Variants in SYT6 observed in about 807,000 individuals in gnomAD.
SYT6 encodes the protein synaptotagmin 6.
In SYT6, 24 loss-of-function variants were observed where a neutral mutation model predicts 38.4. The ratio of observed to expected loss-of-function variants is 0.62; its 90% confidence interval spans 0.45 to 0.88. The LOEUF (loss-of-function observed/expected upper bound fraction) is 0.88. Among genes scored for constraint, SYT6 ranks in the 40% least tolerant of loss-of-function variants. SYT6 has a pLI of 0.00. For missense variants in SYT6, 611 were observed against 621.0 expected, an observed-to-expected ratio of 0.98 and a Z score of 0.17; for synonymous variants, 265 against 241.9, an observed-to-expected ratio of 1.10 and a Z score of -0.89.
rs201154501 is a variant in SYT6, at chr1:114,137,853, C to T, written c.713G>A (p.Arg238His). The T allele has an allele frequency of 1.0e-4, 163 of 1,613,976 alleles. 1 individual carries two copies. The highest frequency in any genetic ancestry group is 1.5e-4 in the South Asian group (14 of 91,028). ...KSCGKINFSLRYDYETETLIV... is the reference protein window; with the variant it reads ...KSCGKINFSLHYDYETETLIV... ...CAGGGTCTCGGTCTCGTAATCGTAG[C>T]GTAGGCTGAAGTTGATCTTCCCGCA... is the stretch of plus-strand genomic sequence containing the variant. The change falls in exon 3 of 8, where the codon CGC (arginine) becomes CAC (histidine). Residue 238 changes from arginine to histidine, a missense_variant. Physicochemically the swap from Arg to His is conservative, Grantham distance 29. Coordinates refer to ENST00000610222, the MANE Select transcript of SYT6 (RefSeq NM_001253772.2).
chr1:114,096,973 C>T (rs1675676059), intron 6 of SYT6, among the ~76,000 whole-genome samples: 1 of 152,168 alleles, frequency 6.6e-6, no homozygotes. Flanking sequence ...TGATAGAATA[C>T]AGGATCCTAA....
chr1:114,114,156 C>A (rs1447310958), intron 3 of SYT6, among the ~76,000 whole-genome samples: 1 of 152,208 alleles, frequency 6.6e-6, no homozygotes, highest in Non-Finnish European at 1.5e-5. Context: ...GTCTGTTTTG[C>A]CAGGGCCAGG....
At chr1:114,135,930 T>C (rs948797954) in intron 3 of SYT6, among the ~76,000 whole-genome samples, 2 of 152,188 alleles carry the variant, frequency 1.3e-5, no homozygotes, top group Non-Finnish European at 2.9e-5. Flanking sequence ...AAATGTAAAC[T>C]TCAGAGTGAT....
intron 3 of SYT6, among the ~76,000 whole-genome samples, chr1:114,119,033 G>A (rs1386274108): frequency 1.3e-5 from 2 of 152,194 alleles, no homozygotes; most frequent in Non-Finnish European, 2.9e-5. Flanking sequence ...CCTTCCTAGA[G>A]ATAAAGGTGG....
At chr1:114,133,132 C>T (rs944825939) in intron 3 of SYT6, among the ~76,000 whole-genome samples, 21 of 151,946 alleles carry the variant, frequency 1.4e-4, no homozygotes, top group South Asian at 2.1e-4. Context: ...TGCATGCCCA[C>T]GCACATACAC....
intron 3 of SYT6, among the ~76,000 whole-genome samples, chr1:114,120,481 A>C (rs571217661): frequency 6.6e-6 from 1 of 152,114 alleles, no homozygotes; most frequent in South Asian, 2.1e-4. Flanking sequence ...TCTTTCACTT[A>C]TTTTTTTGCT....
chr1:114,092,222 A>G, intron 7 of SYT6, 140 bp from the exon 8 acceptor site: 1 of 788,522 alleles, frequency 1.3e-6, no homozygotes, highest in South Asian at 1.8e-5. Flanking sequence ...TCAGCCATGC[A>G]AAAACATAAG....
intron 6 of SYT6, among the ~76,000 whole-genome samples, chr1:114,094,383 A>G (rs930139033): frequency 3.3e-5 from 5 of 152,178 alleles, no homozygotes; most frequent in Non-Finnish European, 7.4e-5. Flanking sequence ...GAGATTTAAC[A>G]TCTCTGGCAG....
chr1:114,104,208 C>T (rs1676139717), intron 3 of SYT6, among the ~76,000 whole-genome samples: 2 of 152,236 alleles, frequency 1.3e-5, no homozygotes, highest in Admixed American at 1.3e-4. Flanking sequence ...TGATTCTTTT[C>T]TTCTTCTGCC....
chr1:114,100,747 T>A lies in SYT6; in HGVS notation c.1193-1482A>T, dbSNP rs146872333. On this transcript the variant is annotated intron_variant, in intron 4 of 7. Transcript: ENST00000610222. ...TGGTTTCCACAGATTCCATTCTCTA[T>A]GGATATGCCCCAGGACATTATTCAG... Among the ~76,000 whole-genome samples, 13 of 152,338 alleles carry A rather than the reference T, an allele frequency of 8.5e-5. No individual in the cohort carries two copies. In the East Asian group the frequency reaches 2.3e-3, roughly 27 times the overall value.
At chr1:114,140,221 CT>C (rs1026765937) in intron 1 of SYT6, among the ~76,000 whole-genome samples, 6 of 152,032 alleles carry the variant, frequency 3.9e-5, no homozygotes, top group Non-Finnish European at 5.9e-5. Context: ...GCCCCCACCC[CT>C]ATCCCCCCAG....
intron 3 of SYT6, among the ~76,000 whole-genome samples, chr1:114,128,682 G>A (rs189151667): frequency 6.6e-6 from 1 of 152,304 alleles, no homozygotes; most frequent in East Asian, 1.9e-4. Context: ...ATTGGTCATA[G>A]CATCTAATAC....
intron 1 of SYT6, among the ~76,000 whole-genome samples, chr1:114,148,132 G>T (rs1344039723): frequency 5.3e-5 from 8 of 152,166 alleles, no homozygotes; most frequent in Non-Finnish European, 7.3e-5. Context: ...TCCAGAAAAT[G>T]CTGGGTTATT....
At chr1:114,148,539 A>T (rs1679269632) in intron 1 of SYT6, among the ~76,000 whole-genome samples, 1 of 152,260 alleles carries the variant, frequency 6.6e-6, no homozygotes, top group Non-Finnish European at 1.5e-5. Flanking sequence ...ACAGACAGAG[A>T]CATAGACAAA....
At chr1:114,124,381 C>A (rs1159381430) in intron 3 of SYT6, among the ~76,000 whole-genome samples, 1 of 152,068 alleles carries the variant, frequency 6.6e-6, no homozygotes, top group South Asian at 2.1e-4. Flanking sequence ...GGGGCTGGGG[C>A]TGGACAGAAG....
intron 3 of SYT6, among the ~76,000 whole-genome samples, chr1:114,128,157 C>T (rs989912487): frequency 9.9e-5 from 15 of 152,246 alleles, no homozygotes; most frequent in African/African-American, 3.6e-4. Context: ...GGCCCCCAGA[C>T]TCAGGCACAC....
At chr1:114,117,810 C>T (rs1259194705) in intron 3 of SYT6, among the ~76,000 whole-genome samples, 1 of 152,234 alleles carries the variant, frequency 6.6e-6, no homozygotes, top group African/African-American at 2.4e-5. Context: ...AGTCACTGTG[C>T]CTCCCTGAGC....
In SYT6 at chr1:114,099,256, A is replaced by T; in HGVS notation, c.1202T>A (p.Val401Glu). ...MDITGYSDPY[V>E]KVSLLCDGRR... is the part of the protein sequence containing the mutation. ...CCCATCACAGAGCAAGGACACTTTC[A>T]CATAGGGATCTGTGCCAATGGGGAC... Residue 401 changes from valine to glutamate, a missense_variant, in exon 5 of 8, where the codon GTG becomes GAG. Coordinates refer to ENST00000610222, the MANE Select transcript of SYT6 (RefSeq NM_001253772.2). The T allele has an allele frequency of 6.2e-7, 1 of 1,612,578 alleles. No individual in the cohort carries two copies. The highest frequency in any genetic ancestry group is 8.5e-7 in the Non-Finnish European group (1 of 1,179,136).
chr1:114,096,984 G>A (rs1675676737), intron 6 of SYT6, among the ~76,000 whole-genome samples: 1 of 152,182 alleles, frequency 6.6e-6, no homozygotes, highest in South Asian at 2.1e-4. Context: ...AGGATCCTAA[G>A]TCGGTGGGAT....
Sources: allele counts gnomAD v4.1 joint callset (sites outside exome capture counted in the v4.1 genomes callset), GRCh38; gene constraint gnomAD v4.1.1; transcripts MANE v1.5; gene names NCBI Gene and HGNC (gene_info 2026-07-23, HGNC 2026-07-21).